Variants in COL26A1 observed in about 807,000 individuals in gnomAD.
COL26A1 encodes collagen type XXVI alpha 1 chain.
A neutral mutation model predicts 59.3 loss-of-function variants in COL26A1; 41 were observed. The observed-to-expected ratio is 0.69, with a 90% CI of 0.54 to 0.90. The LOEUF is 0.90. Among genes scored for constraint, COL26A1 ranks in the 40% least tolerant of loss-of-function variants. COL26A1 has a pLI of 0.00. For synonymous variants in COL26A1, 266 were observed against 256.0 expected, an observed-to-expected ratio of 1.04 and a Z score of -0.37; for missense variants, 612 against 602.3, an observed-to-expected ratio of 1.02 and a Z score of -0.17.
At chr7:101,526,096 T>C (rs1046007990) in intron 3 of COL26A1, among the ~76,000 whole-genome samples, 1 of 151,998 alleles carries the variant, frequency 6.6e-6, no homozygotes, top group Non-Finnish European at 1.5e-5. Flanking sequence ...TTGCCCAGGC[T>C]GGAGTGCAAT....
chr7:101,447,227 G>A (rs531941983), intron 2 of COL26A1, among the ~76,000 whole-genome samples: 21 of 152,324 alleles, frequency 1.4e-4, no homozygotes, highest in African/African-American at 5.1e-4. Context: ...GGGAGGTTCA[G>A]ACTCTTGCAG....
intron 3 of COL26A1, among the ~76,000 whole-genome samples, chr7:101,504,895 C>T (rs958238650): frequency 6.6e-6 from 1 of 152,038 alleles, no homozygotes; most frequent in Admixed American, 6.6e-5. Flanking sequence ...GTGGCTCACG[C>T]CTGTAATCCC....
intron 3 of COL26A1, among the ~76,000 whole-genome samples, chr7:101,512,376 T>C (rs1425753458): frequency 6.6e-6 from 1 of 152,108 alleles, no homozygotes. Flanking sequence ...CCCAGCACTT[T>C]GGGAGGCCAA....
At chr7:101,503,464 C>T (rs1214226471) in intron 3 of COL26A1, among the ~76,000 whole-genome samples, 1 of 152,138 alleles carries the variant, frequency 6.6e-6, no homozygotes, top group East Asian at 1.9e-4. Context: ...TCAATTGCAG[C>T]CTCAAATTCC....
At chr7:101,407,462 C>T (rs1471225612) in intron 1 of COL26A1, among the ~76,000 whole-genome samples, 1 of 151,860 alleles carries the variant, frequency 6.6e-6, no homozygotes, top group African/African-American at 2.4e-5. Context: ...CATGGAAGCT[C>T]ACGGCTCTAA....
At chr7:101,395,065 G>T (rs1020726230) in intron 1 of COL26A1, among the ~76,000 whole-genome samples, 5 of 151,336 alleles carry the variant, frequency 3.3e-5, no homozygotes, top group Non-Finnish European at 7.4e-5. Flanking sequence ...TAGAGACGGG[G>T]TTTCTCCATG....
chr7:101,471,564 G>GTTTTTTTTTTTTTTTTTTTTTTT (rs1562997549), intron 3 of COL26A1, among the ~76,000 whole-genome samples: 1 of 129,024 alleles, frequency 7.8e-6, no homozygotes, highest in African/African-American at 3.1e-5. Flanking sequence ...TGTTGTTGTT[G>GTTTTTTTTTTTTTTTTTTTTTTT]TTGTTTGTTT....
Position 101,527,494 on chromosome 7 carries a change from A to ATT in COL26A1, c.386-5576_386-5575dup, listed in dbSNP as rs35889525. 2.1e-3 allele frequency among the ~76,000 whole-genome samples: 306 copies of ATT among 144,040 alleles called. 2 individuals carry two copies. The South Asian group carries it at 0.031, about 15-fold the overall frequency. 94.5% of individuals were successfully genotyped at this position (144,040 alleles called of 152,430 possible). ...AGGCACGCACCACCACGTCCAGCTG[A>ATT]TTTTTTTTTTTTTGTATTTTTAGTA... is the stretch of plus-strand genomic sequence containing the variant. On this transcript the variant is annotated intron_variant, in intron 3 of 12. Transcript: ENST00000313669.
chr7:101,527,249 G>C (rs1342811280), intron 3 of COL26A1, among the ~76,000 whole-genome samples: 2 of 152,068 alleles, frequency 1.3e-5, no homozygotes, highest in Non-Finnish European at 2.9e-5. Context: ...GGGATGACAC[G>C]CATGAGCCAC....
At chr7:101,476,142 TTGTG>T (rs56666965) in intron 3 of COL26A1, among the ~76,000 whole-genome samples, 8,855 of 146,212 alleles carry the variant, frequency 0.061, 451 homozygotes, top group East Asian at 0.16. Flanking sequence ...TCCCAGCTAA[TTGTG>T]TGTGTGTGTG....
rs1796037824 is a variant in COL26A1 at position 101,558,617 on chromosome 7, G to C, written c.*1087G>C. 6.6e-6 allele frequency: 1 copy of C among 152,232 alleles called. No individual in the cohort carries two copies. The highest frequency in any genetic ancestry group is 2.1e-4 in the South Asian group (1 of 4,824). The allele number at this position is 152,232 out of a possible 1,614,324, so 9.4% of individuals were successfully genotyped here. A position where few individuals can be genotyped will look rare whatever the true frequency, so the allele number is the denominator to read the frequency against. Reference sequence around the variant, plus strand: ...TGCCTCCCACCTTCCAGAGTTGGGGGCCTGGCAGGCTCCATGGCAGGCACC... The same window carrying C: ...TGCCTCCCACCTTCCAGAGTTGGGGCCCTGGCAGGCTCCATGGCAGGCACC... On this transcript the variant is annotated 3_prime_UTR_variant, in exon 13 of 13. Transcript: ENST00000313669.
intron 5 of COL26A1, among the ~76,000 whole-genome samples, chr7:101,542,187 G>C (rs954220750): frequency 6.6e-6 from 1 of 151,838 alleles, no homozygotes; most frequent in Non-Finnish European, 1.5e-5. Context: ...GGCTGGTCTT[G>C]AACTCCTGAC....
intron 1 of COL26A1, among the ~76,000 whole-genome samples, chr7:101,406,325 T>C (rs1792128252): frequency 6.6e-6 from 1 of 152,168 alleles, no homozygotes; most frequent in Admixed American, 6.5e-5. Context: ...CCCGAAAAAC[T>C]GATCAGGCCA....
intron 3 of COL26A1, among the ~76,000 whole-genome samples, chr7:101,489,870 CTTT>C (rs1794409707): frequency 3.5e-5 from 2 of 56,710 alleles, no homozygotes; most frequent in Non-Finnish European, 7.2e-5. Context: ...TTCTTTCTTT[CTTT>C]CTTTCTTTCT....
chr7:101,545,388 C>G lies in COL26A1; in HGVS notation c.754C>G (p.Pro252Ala). ...TGGGCTTCCTGGAGAGATGGGGCGC[C>G]CCGGCCCCCCAGGACCACCCGGCCC... Reference protein sequence around the residue: ...PRGLPGEMGRPGPPGPPGPAG... With the variant: ...PRGLPGEMGRAGPPGPPGPAG... The change falls in exon 7 of 13, where the codon CCC becomes GCC. Residue 252 changes from proline (P) to alanine (A), a missense_variant. Physicochemically the swap from Pro to Ala is conservative, Grantham distance 27. Transcript: ENST00000313669. The G allele has an allele frequency of 1.3e-6, 2 of 1,590,324 alleles. No homozygotes were observed. The highest frequency in any genetic ancestry group is 2.2e-5 in the South Asian group (2 of 89,226).
At position 101,545,414 on chromosome 7, in the gene COL26A1, A is replaced by G. The variant is rs1158956701; in HGVS notation, c.780A>G (p.Pro260=). ...GRPGPPGPPG[P]AGNPGPSPNS... is the part of the protein sequence containing the mutation. ...CCGGCCCCCCAGGACCACCCGGCCC[A>G]GCAGGCAACCCAGGCCCCTCACCAA... The change falls in exon 7 of 13, where the codon CCA becomes CCG. Residue 260 remains proline, a synonymous_variant. Coordinates refer to ENST00000313669, the MANE Select transcript of COL26A1 (RefSeq NM_001278563.3). 1.2e-6 allele frequency: 2 copies of G among 1,607,744 alleles called. No homozygotes were observed. Among genetic ancestry groups the G allele is most frequent in the Non-Finnish European group, 1.7e-6 (2 of 1,177,862 alleles).
At chr7:101,496,315 C>A (rs1333106890) in intron 3 of COL26A1, among the ~76,000 whole-genome samples, 1 of 152,212 alleles carries the variant, frequency 6.6e-6, no homozygotes, top group Non-Finnish European at 1.5e-5. Flanking sequence ...CCAATGCACA[C>A]AGCAGGTCAA....
At chr7:101,524,320 C>G (rs1795197752) in intron 3 of COL26A1, among the ~76,000 whole-genome samples, 1 of 151,854 alleles carries the variant, frequency 6.6e-6, no homozygotes. Flanking sequence ...GATTAATCAC[C>G]TGTACTCCCC....
chr7:101,489,792 T>TCTCTCTC (rs1392623756), intron 3 of COL26A1, among the ~76,000 whole-genome samples: 1 of 2,056 alleles, frequency 4.9e-4, no homozygotes, highest in East Asian at 4.0e-3. Flanking sequence ...CTTTCTTTCT[T>TCTCTCTC]TCTTTCTTTC....
Sources: allele counts gnomAD v4.1 joint callset (sites outside exome capture counted in the v4.1 genomes callset), GRCh38; gene constraint gnomAD v4.1.1; transcripts MANE v1.5; gene names NCBI Gene and HGNC (gene_info 2026-07-23, HGNC 2026-07-21).